Variants in CEP152 observed in about 807,000 individuals in gnomAD.
CEP152 encodes centrosomal protein 152.
CEP152 carries 132 observed loss-of-function variants against 188.9 expected under a neutral mutation model. That is an observed-to-expected ratio of 0.70 (90% confidence interval 0.61 to 0.81). The LOEUF (loss-of-function observed/expected upper bound fraction) is 0.81. Ranked by LOEUF, CEP152 falls within the 30% of genes least tolerant of loss-of-function variation. The pLI, the probability that CEP152 is intolerant of heterozygous loss-of-function variation, is 0.00. For missense variants in CEP152, 1,914 were observed against 1,969.8 expected (o/e 0.97, Z 0.54); for synonymous variants, 649 against 666.6 (o/e 0.97, Z 0.41).
chr15:48,737,271 A>C (rs766377527), downstream of CEP152, among the ~76,000 whole-genome samples: 1 of 152,192 alleles, frequency 6.6e-6, no homozygotes, highest in Non-Finnish European at 1.5e-5. Flanking sequence ...TCCATAATAT[A>C]GTAGGTGTGG....
At chr15:48,734,290 G>A (rs1662310889), downstream of CEP152, among the ~76,000 whole-genome samples, 1 of 150,528 alleles carries the variant, frequency 6.6e-6, no homozygotes, top group Non-Finnish European at 1.5e-5. Context: ...GCTAAACTGG[G>A]GCAAAGTTGC....
chr15:48,767,212 C>A lies in CEP152; in HGVS notation c.2148-20G>T. The stretch of plus-strand genomic sequence containing the variant: ...TCAGACCTTGGATACACAAAACCAG[C>A]AACTAAATGATTTAACCACAAAAAA... On this transcript the variant is annotated intron_variant, in intron 16 of 26. Coordinates refer to ENST00000380950, the MANE Select transcript of CEP152 (RefSeq NM_001194998.2). The A allele has an allele frequency of 1.9e-6, 3 of 1,613,818 alleles. No individual in the cohort carries two copies. The highest frequency in any genetic ancestry group is 2.5e-6 in the Non-Finnish European group (3 of 1,180,020).
At position 48,756,066 on chromosome 15, in the gene CEP152, T is replaced by G. The variant is rs1485313259; in HGVS notation, c.3182A>C (p.His1061Pro). 6.2e-7 allele frequency: 1 copy of G among 1,614,034 alleles called. No individual in the cohort carries two copies. The highest frequency in any genetic ancestry group is 1.3e-5 in the African/African-American group (1 of 74,934). The change falls in exon 20 of 27, where the codon CAC becomes CCC. Residue 1061 changes from histidine to proline, a missense_variant. His to Pro is a moderately conservative substitution (Grantham distance 77). Transcript: ENST00000380950. ...CTGCTTGTCCTCAGAATCACTGATG[T>G]GCTCCTTTTGGGTATCACTTAAAAG... The part of the protein sequence containing the change: ...GVLLSDTQKE[H>P]ISDSEDKQLL...
intron 11 of CEP152, among the ~76,000 whole-genome samples, 156 bp from the exon 12 acceptor site, chr15:48,781,515 A>G (rs1229426451): frequency 5.3e-5 from 8 of 152,242 alleles, no homozygotes. Flanking sequence ...AGGTCGGCAT[A>G]TATCAGGTTT....
chr15:48,800,187 G>A (rs1897589127), intron 2 of CEP152, among the ~76,000 whole-genome samples: 2 of 151,974 alleles, frequency 1.3e-5, no homozygotes, highest in Non-Finnish European at 2.9e-5. Flanking sequence ...AAATGCTTCT[G>A]GATACATACA....
chr15:48,739,028 G>C lies in CEP152; in HGVS notation c.4354C>G (p.His1452Asp). Residue 1452 changes from histidine to aspartate, a missense_variant, in exon 27 of 27, where the codon CAC becomes GAC. By Grantham distance (81) the His-to-Asp change is moderately conservative. Coordinates refer to ENST00000380950, the MANE Select transcript of CEP152 (RefSeq NM_001194998.2). ...ACATTCCTTGGCAAACTGTTTAGGT[G>C]CTTGCAACTACCATCCCCAAACTGG... is the stretch of plus-strand genomic sequence containing the variant. ...EFQFGDGSCK[H>D]LNSLPRNVSP... 1.2e-6 allele frequency: 2 copies of C among 1,614,124 alleles called. No individual in the cohort carries two copies. The highest frequency in any genetic ancestry group is 1.7e-6 in the Non-Finnish European group (2 of 1,180,018).
chr15:48,797,908 G>C lies in CEP152; in HGVS notation c.191+40C>G, dbSNP rs2140908549. Reference sequence around the variant, plus strand: ...CTTCATCAAAAGAAAAAGACTTATAGAATTGCAATATACAAGTGAAAGTGA... The same window carrying C: ...CTTCATCAAAAGAAAAAGACTTATACAATTGCAATATACAAGTGAAAGTGA... On this transcript the variant is annotated intron_variant, in intron 3 of 26. Transcript: ENST00000380950. 2.6e-6 allele frequency: 4 copies of C among 1,530,774 alleles called. No individual in the cohort carries two copies. The East Asian group carries it at 6.8e-5, about 26-fold the overall frequency. 94.8% of individuals were successfully genotyped at this position (1,530,774 alleles called of 1,614,324 possible). A position where few individuals can be genotyped will look rare whatever the true frequency, so the allele number is the denominator to read the frequency against.
rs80090788 is a variant in CEP152 at position 48,739,297 on chromosome 15, T to A, written c.4094-9A>T. On this transcript the variant is annotated splice_polypyrimidine_tract_variant and intron_variant, in intron 26 of 26. Transcript: ENST00000380950. The stretch of plus-strand genomic sequence containing the variant: ...TGAAGTTAGGGGCAGTGCTATTATG[T>A]GCAAGGAAACACGAAATTAAGAGAA... 6.6e-4 allele frequency: 1,054 copies of A among 1,596,432 alleles called. 7 individuals carry two copies. In the African/African-American group the frequency reaches 0.013, roughly 19 times the overall value.
chr15:48,787,178 T>TTTTTTTTC (rs1420503409), intron 9 of CEP152, among the ~76,000 whole-genome samples: 1 of 146,318 alleles, frequency 6.8e-6, no homozygotes, highest in Non-Finnish European at 1.5e-5. Context: ...TTTTTTTTTT[T>TTTTTTTTC]TTTTCTGGAA....
Position 48,752,457 on chromosome 15 carries a change from C to T in CEP152, c.3358G>A (p.Glu1120Lys), listed in dbSNP as rs768517509. 11 of 1,613,482 alleles carry T rather than the reference C, an allele frequency of 6.8e-6. No individual in the cohort carries two copies. Among genetic ancestry groups the T allele is most frequent in the East Asian group, 6.7e-5 (3 of 44,870 alleles). Reference sequence around the variant, plus strand: ...TGGCTGGCAGAATCCTTAGAGAGCTCGGCCATATTTCTCTGAAATAAAGTA... The same window carrying T: ...TGGCTGGCAGAATCCTTAGAGAGCTTGGCCATATTTCTCTGAAATAAAGTA... ...DPEWKKRNMA[E>K]LSKDSASQGT... The change falls in exon 21 of 27, where the codon GAG becomes AAG. Residue 1120 changes from glutamate to lysine, a missense_variant. Physicochemically the swap from Glu to Lys is moderately conservative, Grantham distance 56. Transcript: ENST00000380950.
intron 8 of CEP152, among the ~76,000 whole-genome samples, chr15:48,789,650 C>A (rs1196220252): frequency 6.6e-6 from 1 of 152,168 alleles, no homozygotes; most frequent in Non-Finnish European, 1.5e-5. Flanking sequence ...AATGTAACCA[C>A]AGGGTCCATA....
chr15:48,803,646 G>A (rs1333613952), intron 2 of CEP152, among the ~76,000 whole-genome samples: 5 of 152,090 alleles, frequency 3.3e-5, no homozygotes, highest in Non-Finnish European at 2.9e-5. Flanking sequence ...CTTTTCCCCT[G>A]AAATTCCCTA....
Position 48,738,713 on chromosome 15 carries a change from C to T in CEP152, c.4669G>A (p.Val1557Ile). 1 of 1,614,216 alleles carries T rather than the reference C, an allele frequency of 6.2e-7. No homozygotes were observed. The change falls in exon 27 of 27, where the codon GTT becomes ATT. Residue 1557 changes from valine to isoleucine, a missense_variant. Transcript: ENST00000380950. ...CCATCTTTTACTGGAGGTTCCTGAA[C>T]ATCCAAACCTTGACTTTTCTCAGAT... ...AASEKSQGLD[V>I]QEPPVKDGGD...
chr15:48,736,855 C>T (rs1461160736), downstream of CEP152, among the ~76,000 whole-genome samples: 1 of 152,094 alleles, frequency 6.6e-6, no homozygotes, highest in African/African-American at 2.4e-5. Context: ...TCTAAGTTTA[C>T]TAAAAACAAG....
Position 48,767,461 on chromosome 15 carries a change from C to T in CEP152, c.2021G>A (p.Cys674Tyr), listed in dbSNP as rs1472510511. 3 of 1,613,992 alleles carry T rather than the reference C, an allele frequency of 1.9e-6. No individual in the cohort carries two copies. The African/African-American group carries it at 4.0e-5, about 22-fold the overall frequency. The change falls in exon 16 of 27, where the codon TGT becomes TAT. Residue 674 changes from cysteine to tyrosine, a missense_variant and splice_region_variant. Physicochemically the swap from Cys to Tyr is radical, Grantham distance 194. Coordinates refer to ENST00000380950, the MANE Select transcript of CEP152 (RefSeq NM_001194998.2). Reference sequence around the variant, plus strand: ...ATGGTGCTGCTGATAAGTCCTTTCACACCTGGAAACAGAGCGGAATCAAAG... The same window carrying T: ...ATGGTGCTGCTGATAAGTCCTTTCATACCTGGAAACAGAGCGGAATCAAAG... ...DHDKQEAVDR[C>Y]ERTYQQHHEA...
At chr15:48,740,951 C>T in intron 26 of CEP152, 1 of 837,466 alleles carries the variant, frequency 1.2e-6, no homozygotes, top group African/African-American at 1.9e-5. Flanking sequence ...CCATTCATAT[C>T]CCCTAGGCCC....
chr15:48,741,928 T>G lies in CEP152; in HGVS notation c.3989+19A>C, dbSNP rs1422592378. ...GTTGTCCTGGTAATCTCAGGACACA[T>G]TGTTCAGACTGAACTCACCCTTCTT... is the stretch of plus-strand genomic sequence containing the variant. On this transcript the variant is annotated intron_variant, in intron 25 of 26. Coordinates refer to ENST00000380950, the MANE Select transcript of CEP152 (RefSeq NM_001194998.2). 1 of 1,614,184 alleles carries G rather than the reference T, an allele frequency of 6.2e-7. No homozygotes were observed. The highest frequency in any genetic ancestry group is 8.5e-7 in the Non-Finnish European group (1 of 1,180,022).
chr15:48,742,099 A>C lies in CEP152; in HGVS notation c.3837T>G (p.Cys1279Trp). 1 of 1,613,948 alleles carries C rather than the reference A, an allele frequency of 6.2e-7. No homozygotes were observed. ...QYIKAVKKIK[C>W]DMLRYIQESK... ...TCTCCTGAATATAACGAAGCATGTCACCTATAGGGAAGTGAGAAAATGCCC... is the reference window on the plus strand; with the variant it reads ...TCTCCTGAATATAACGAAGCATGTCCCCTATAGGGAAGTGAGAAAATGCCC... Residue 1279 changes from cysteine (C) to tryptophan (W), a missense_variant and splice_region_variant, in exon 25 of 27, where the codon TGT becomes TGG. Transcript: ENST00000380950.
chr15:48,795,496 T>A (rs1897236237), intron 6 of CEP152, among the ~76,000 whole-genome samples: 1 of 152,198 alleles, frequency 6.6e-6, no homozygotes, highest in Non-Finnish European at 1.5e-5. Context: ...TATATAAAGT[T>A]CATAAAAAGT....
Sources: allele counts gnomAD v4.1 joint callset (sites outside exome capture counted in the v4.1 genomes callset), GRCh38; gene constraint gnomAD v4.1.1; transcripts MANE v1.5; gene names NCBI Gene and HGNC (gene_info 2026-07-23, HGNC 2026-07-21).